The following NTN1 variants were observed in gnomAD, a reference collection of about 807,000 sequenced individuals.
The protein encoded by NTN1 is netrin-1.
In NTN1, 11 loss-of-function variants were observed where a neutral mutation model predicts 54.2. That is an observed-to-expected ratio of 0.20 (90% confidence interval 0.13 to 0.34). The LOEUF (loss-of-function observed/expected upper bound fraction) is 0.34. NTN1 is among the 10% of genes least tolerant of loss of function. The pLI, the probability that NTN1 is intolerant of heterozygous loss-of-function variation, is 1.00. For missense variants in NTN1, 740 were observed against 893.1 expected, an observed-to-expected ratio of 0.83 and a Z score of 2.18; for synonymous variants, 371 against 382.0, an observed-to-expected ratio of 0.97 and a Z score of 0.33.
At chr17:9,027,817 T>G (rs368146566) in intron 2 of NTN1, among the ~76,000 whole-genome samples, 2 of 151,996 alleles carry the variant, frequency 1.3e-5, no homozygotes, top group Non-Finnish European at 2.9e-5. Context: ...CATCCACAGG[T>G]GTTGCTTTCT....
upstream of NTN1, among the ~76,000 whole-genome samples, chr17:9,019,625 T>C (rs753467500): frequency 6.6e-6 from 1 of 152,198 alleles, no homozygotes; most frequent in Non-Finnish European, 1.5e-5. Context: ...CCCAGTGGGG[T>C]AGAAAGTATT....
intron 2 of NTN1, among the ~76,000 whole-genome samples, chr17:9,114,353 A>G (rs987825631): frequency 1.3e-5 from 2 of 151,242 alleles, no homozygotes; most frequent in Admixed American, 6.6e-5. Context: ...TAGGGTGTAT[A>G]AGGTATATAA....
rs781722104 is a variant in NTN1 at position 9,221,155 on chromosome 17, CA to C, written c.1412-12del. 8 of 1,551,334 alleles carry C rather than the reference CA, an allele frequency of 5.2e-6. No homozygotes were observed. Among genetic ancestry groups the C allele is most frequent in the South Asian group, 4.5e-5 (4 of 89,650 alleles). The stretch of plus-strand genomic sequence containing the variant: ...TTAGTTTTTGTCTGTGCTCCCCCCC[CA>C]CCCCCCTGCAGACTGCGATTCCTAC... On this transcript the variant is annotated splice_polypyrimidine_tract_variant and intron_variant, in intron 5 of 6. Transcript: ENST00000173229. The surrounding 1 kb of genome is among the most constrained non-coding windows in gnomAD (Gnocchi z 4.5).
At chr17:9,127,403 T>C (rs2092251105) in intron 2 of NTN1, among the ~76,000 whole-genome samples, 1 of 152,006 alleles carries the variant, frequency 6.6e-6, no homozygotes, top group African/African-American at 2.4e-5. Context: ...TTCTCAAGGG[T>C]TTGTGTGACT....
intron 2 of NTN1, among the ~76,000 whole-genome samples, chr17:9,027,831 C>A (rs1023214788): frequency 6.6e-6 from 1 of 152,014 alleles, no homozygotes; most frequent in African/African-American, 2.4e-5. Flanking sequence ...GCTTTCTTGG[C>A]CAAGTCTTTC....
In NTN1 at chr17:9,099,702, A is replaced by G. The variant is rs192025949; in HGVS notation, c.1019-63111A>G. On this transcript the variant is annotated intron_variant, in intron 2 of 6. Transcript: ENST00000173229. ...TTAAATTTAAATTTGTTCTCCAAAA[A>G]GATTAAAGCATTTATGTTTCTACCA... is the stretch of plus-strand genomic sequence containing the variant. Among the ~76,000 whole-genome samples the G allele has an allele frequency of 2.6e-5, 4 of 152,300 alleles. No homozygotes were observed. In the East Asian group the frequency reaches 7.7e-4, roughly 29 times the overall value.
intron 3 of NTN1, among the ~76,000 whole-genome samples, chr17:9,166,193 CACCACCACCACCA>C (rs1484032170): frequency 1.6e-5 from 2 of 123,906 alleles, no homozygotes; most frequent in African/African-American, 5.4e-5. Context: ...CCACCACCAC[CACCACCACCACCA>C]CCAGCACCTC....
rs575081011 is a variant in NTN1 at position 9,180,097 on chromosome 17, G to A, written c.1357+141G>A. On this transcript the variant is annotated intron_variant, in intron 4 of 6. Transcript: ENST00000173229. ...TGTGTCGCCCAGGCTGGAGTGCAGT[G>A]GCACGATCTCAGCTCACTGCAACCT... 1.0e-5 allele frequency: 9 copies of A among 888,268 alleles called. No individual in the cohort carries two copies. The African/African-American group carries it at 1.4e-4, about 14-fold the overall frequency. 55.0% of individuals were successfully genotyped at this position (888,268 alleles called of 1,614,324 possible). A position where few individuals can be genotyped will look rare whatever the true frequency, so the allele number is the denominator to read the frequency against.
rs181074064 is a variant in NTN1, at chr17:9,030,573, C to T, written c.1018+7182C>T. On this transcript the variant is annotated intron_variant, in intron 2 of 6. Coordinates refer to ENST00000173229, the MANE Select transcript of NTN1 (RefSeq NM_004822.3). ...CAGTCTGGCCAACACAGTGAAACCC[C>T]TTCTCTACTAAAAATACAAAAATTA... is the stretch of plus-strand genomic sequence containing the variant. Among the ~76,000 whole-genome samples, 698 of 152,124 alleles carry T rather than the reference C, an allele frequency of 4.6e-3. 8 individuals are homozygous for T. The highest frequency in any genetic ancestry group is 0.016 in the African/African-American group (655 of 41,516).
At position 9,221,154 on chromosome 17, in the gene NTN1, C is replaced by CA. The variant is rs779272579; in HGVS notation, c.1412-14_1412-13insA. 1.3e-6 allele frequency: 2 copies of CA among 1,557,900 alleles called. No homozygotes were observed. Among genetic ancestry groups the CA allele is most frequent in the African/African-American group, 2.9e-5 (2 of 69,590 alleles). Reference sequence around the variant, plus strand: ...ATTAGTTTTTGTCTGTGCTCCCCCCCCACCCCCCTGCAGACTGCGATTCCT... The same window carrying CA: ...ATTAGTTTTTGTCTGTGCTCCCCCCCACACCCCCCTGCAGACTGCGATTCCT... On this transcript the variant is annotated splice_polypyrimidine_tract_variant and intron_variant, in intron 5 of 6. Transcript: ENST00000173229. This position sits in a 1 kb window ranked among gnomAD's most constrained non-coding sequence, Gnocchi z 4.5.
At chr17:9,036,882 A>C (rs1443101359) in intron 2 of NTN1, among the ~76,000 whole-genome samples, 2 of 152,148 alleles carry the variant, frequency 1.3e-5, no homozygotes, top group Non-Finnish European at 2.9e-5. Context: ...CTCTAACTGG[A>C]GGACCTCACT....
chr17:9,128,275 A>G (rs1177404441), intron 2 of NTN1, among the ~76,000 whole-genome samples: 1 of 150,820 alleles, frequency 6.6e-6, no homozygotes, highest in Non-Finnish European at 1.5e-5. Flanking sequence ...ATGCCACTGC[A>G]TTGCAGCCTA....
chr17:9,046,537 G>A (rs944735912), intron 2 of NTN1, among the ~76,000 whole-genome samples: 4 of 152,218 alleles, frequency 2.6e-5, no homozygotes, highest in Non-Finnish European at 4.4e-5. Context: ...CTACGATCCC[G>A]GTACTTCGGG....
At chr17:9,054,825 A>T (rs2091973869) in intron 2 of NTN1, among the ~76,000 whole-genome samples, 1 of 152,164 alleles carries the variant, frequency 6.6e-6, no homozygotes, top group Non-Finnish European at 1.5e-5. Context: ...AAGCTTTGGG[A>T]TGCTAATGGC....
At chr17:9,053,933 C>T (rs1292265980) in intron 2 of NTN1, among the ~76,000 whole-genome samples, 3 of 152,180 alleles carry the variant, frequency 2.0e-5, no homozygotes, top group East Asian at 1.9e-4. Flanking sequence ...AGGTCAGGCA[C>T]GTAGTCCCCC....
chr17:9,157,849 C>T (rs2142294618), intron 2 of NTN1, among the ~76,000 whole-genome samples: 1 of 152,320 alleles, frequency 6.6e-6, no homozygotes, highest in South Asian at 2.1e-4. Flanking sequence ...GCTGCCCTTT[C>T]CTCCCTGTCT....
At chr17:9,130,542 C>G (rs751683653) in intron 2 of NTN1, among the ~76,000 whole-genome samples, 5 of 152,132 alleles carry the variant, frequency 3.3e-5, no homozygotes, top group African/African-American at 4.8e-5. Flanking sequence ...TCCTGGGCAG[C>G]CTTCCCCTGG....
intron 2 of NTN1, 65 bp downstream of exon 2, chr17:9,023,456 G>A: frequency 7.5e-7 from 1 of 1,332,878 alleles, no homozygotes; most frequent in Non-Finnish European, 9.5e-7. Flanking sequence ...GCTGGGCCTC[G>A]CAGCGGCGAG....
rs117080241 is a variant in NTN1, at chr17:9,182,247, G to A, written c.1358-669G>A. On this transcript the variant is annotated intron_variant, in intron 4 of 6. Transcript: ENST00000173229. Reference sequence around the variant, plus strand: ...TCCCCAAACGTGTTGGGCCCCAAACGTGTTGGGATGACAGATGTGAGCCCC... The same window carrying A: ...TCCCCAAACGTGTTGGGCCCCAAACATGTTGGGATGACAGATGTGAGCCCC... Among the ~76,000 whole-genome samples, 347 of 152,340 alleles carry A rather than the reference G, an allele frequency of 2.3e-3. 7 individuals are homozygous for A. The East Asian group carries it at 0.044, about 19-fold the overall frequency.
Sources: allele counts gnomAD v4.1 joint callset (sites outside exome capture counted in the v4.1 genomes callset), GRCh38; gene constraint gnomAD v4.1.1; non-coding constraint Gnocchi (gnomAD v3.1); transcripts MANE v1.5; gene names NCBI Gene and HGNC (gene_info 2026-07-23, HGNC 2026-07-21).